The following MELK variants were observed in gnomAD, a reference collection of about 807,000 sequenced individuals.
MELK encodes the protein maternal embryonic leucine zipper kinase, also known as pEg3 kinase.
A neutral mutation model predicts 85.0 loss-of-function variants in MELK; 81 were observed. That is an observed-to-expected ratio of 0.95 (90% confidence interval 0.80 to 1.15). The LOEUF (loss-of-function observed/expected upper bound fraction) is 1.15. MELK is among the 50% of genes most tolerant of loss of function. The pLI is 0.00. For missense variants in MELK, 754 were observed against 777.5 expected (o/e 0.97, Z 0.36); for synonymous variants, 252 against 265.0 (o/e 0.95, Z 0.48).
At chr9:36,613,163 G>A (rs1292378228) in intron 8 of MELK, among the ~76,000 whole-genome samples, 1 of 152,170 alleles carries the variant, frequency 6.6e-6, no homozygotes, top group Non-Finnish European at 1.5e-5. Context: ...AGGTGTGCCT[G>A]CCTCAGGGCA....
At chr9:36,598,759 C>A (rs144670498) in intron 6 of MELK, among the ~76,000 whole-genome samples, 1 of 151,938 alleles carries the variant, frequency 6.6e-6, no homozygotes, top group Non-Finnish European at 1.5e-5. Flanking sequence ...GATGGAAAGA[C>A]GTGGATGCTT....
At chr9:36,593,691 CTGTTGT>C (rs926700496) in intron 4 of MELK, among the ~76,000 whole-genome samples, 1 of 151,962 alleles carries the variant, frequency 6.6e-6, no homozygotes, top group African/African-American at 2.4e-5. Flanking sequence ...GTTGTTGTTG[CTGTTGT>C]TGTTTGTTTT....
chr9:36,591,968 C>T (rs1823637652), intron 4 of MELK, among the ~76,000 whole-genome samples: 1 of 151,886 alleles, frequency 6.6e-6, no homozygotes, highest in South Asian at 2.1e-4. Context: ...AAACAAAATC[C>T]TCTCTTTCCC....
At position 36,589,598 on chromosome 9, in the gene MELK, A is replaced by T. The variant is rs1823321273; in HGVS notation, c.207A>T (p.Ile69=). ...EALKNLRHQH[I]CQLYHVLETA... ...TGAAGAACCTGAGACATCAGCATAT[A>T]TGTCAACTCTACCATGTGCTAGAGA... is the stretch of plus-strand genomic sequence containing the variant. The change falls in exon 4 of 18, where the codon ATA becomes ATT. Residue 69 remains isoleucine, a synonymous_variant. Transcript: ENST00000298048. The T allele has an allele frequency of 6.2e-7, 1 of 1,614,128 alleles. No individual in the cohort carries two copies. The highest frequency in any genetic ancestry group is 1.3e-5 in the African/African-American group (1 of 75,052).
chr9:36,649,844 A>G lies in MELK; in HGVS notation c.922-1902A>G, dbSNP rs190148017. On this transcript the variant is annotated intron_variant, in intron 11 of 17. Coordinates refer to ENST00000298048, the MANE Select transcript of MELK (RefSeq NM_014791.4). Reference sequence around the variant, plus strand: ...GCTCACGCCTGTAATTCTAAAACTGAGAGGCCAAGATGGGAGGATTGGTTG... The same window carrying G: ...GCTCACGCCTGTAATTCTAAAACTGGGAGGCCAAGATGGGAGGATTGGTTG... 6.3e-3 allele frequency among the ~76,000 whole-genome samples: 956 copies of G among 152,278 alleles called. 6 individuals carry two copies. Among genetic ancestry groups the G allele is most frequent in the Non-Finnish European group, 7.6e-3 (514 of 68,022 alleles).
At chr9:36,606,476 T>TAC (rs1301170032) in intron 7 of MELK, among the ~76,000 whole-genome samples, 19 of 141,692 alleles carry the variant, frequency 1.3e-4, no homozygotes, top group African/African-American at 3.2e-4. Flanking sequence ...TGTATATATA[T>TAC]ACATATGTAT....
intron 11 of MELK, among the ~76,000 whole-genome samples, chr9:36,647,907 A>T (rs1830368865): frequency 6.6e-6 from 1 of 152,074 alleles, no homozygotes; most frequent in Non-Finnish European, 1.5e-5. Flanking sequence ...ATTTATGCAA[A>T]TTTCAAAGCA....
intron 10 of MELK, among the ~76,000 whole-genome samples, chr9:36,640,188 A>C (rs932827178): frequency 3.3e-5 from 5 of 152,218 alleles, no homozygotes; most frequent in Non-Finnish European, 7.3e-5. Flanking sequence ...AATACCATAA[A>C]TTGAGTGGCT....
At chr9:36,619,073 C>T (rs1466607723) in intron 8 of MELK, among the ~76,000 whole-genome samples, 1 of 151,972 alleles carries the variant, frequency 6.6e-6, no homozygotes, top group African/African-American at 2.4e-5. Flanking sequence ...ATTCTCCTGC[C>T]TCAGCCTCCC....
At chr9:36,576,685 C>G (rs776432047) in intron 1 of MELK, among the ~76,000 whole-genome samples, 1 of 152,084 alleles carries the variant, frequency 6.6e-6, no homozygotes, top group African/African-American at 2.4e-5. Flanking sequence ...GTGTGCATCA[C>G]CACGCCCGGC....
At chr9:36,621,304 A>C (rs1231558045) in intron 8 of MELK, among the ~76,000 whole-genome samples, 7 of 134,280 alleles carry the variant, frequency 5.2e-5, no homozygotes, top group Non-Finnish European at 9.4e-5. Context: ...AAAAAAAAAA[A>C]AAAAAAAAAA....
intron 7 of MELK, among the ~76,000 whole-genome samples, chr9:36,603,137 G>T (rs924290156): frequency 6.6e-6 from 1 of 152,076 alleles, no homozygotes; most frequent in Non-Finnish European, 1.5e-5. Context: ...TTTCTTGTCC[G>T]TGTTAGTTCA....
At chr9:36,669,455 AT>A in intron 15 of MELK, 49 bp downstream of exon 15, 1 of 1,348,170 alleles carries the variant, frequency 7.4e-7, no homozygotes, top group South Asian at 1.4e-5. Context: ...ATGTAACCAG[AT>A]TTCCTTTTTC....
intron 13 of MELK, among the ~76,000 whole-genome samples, chr9:36,661,796 G>T (rs553467925): frequency 6.6e-6 from 1 of 152,104 alleles, no homozygotes; most frequent in East Asian, 1.9e-4. Flanking sequence ...AATTAGCTGG[G>T]CATGGTGGCG....
Position 36,583,713 on chromosome 9 carries a change from G to GT in MELK, c.144+2dup. On this transcript the variant is annotated splice_donor_variant, in intron 3 of 17. Transcript: ENST00000298048. LOFTEE classifies it high-confidence loss of function. ...AATCATGGATAAAAACACACTAGGGGTAAGTTTAGATTTATTTAAAAAATA... is the reference window on the plus strand; with the variant it reads ...AATCATGGATAAAAACACACTAGGGGTTAAGTTTAGATTTATTTAAAAAATA... 1 of 1,596,298 alleles carries GT rather than the reference G, an allele frequency of 6.3e-7. No homozygotes were observed.
intron 1 of MELK, 119 bp from the exon 2 acceptor site, chr9:36,581,525 T>C: frequency 3.6e-6 from 2 of 554,760 alleles, no homozygotes. Context: ...ATATGGCCAA[T>C]AATCAGTTTT....
rs746406905 is a variant in MELK at position 36,642,997 on chromosome 9, T to G, written c.835T>G (p.Phe279Val). ...TAAAGTGCATAATTTTTTTTTGTAG[T>G]TTATTCACCTCGATGATGATTGCGT... ...YPVEWQSKNP[F>V]IHLDDDCVTE... is the part of the protein sequence containing the mutation. Residue 279 changes from phenylalanine to valine, a missense_variant and splice_region_variant, in exon 11 of 18, where the codon TTT becomes GTT. Phe to Val is a conservative substitution (Grantham distance 50). Transcript: ENST00000298048. 2 of 1,600,976 alleles carry G rather than the reference T, an allele frequency of 1.2e-6. No individual in the cohort carries two copies. The highest frequency in any genetic ancestry group is 3.5e-5 in the Admixed American group (2 of 56,852).
chr9:36,646,732 T>G (rs1830248405), intron 11 of MELK, among the ~76,000 whole-genome samples: 1 of 152,168 alleles, frequency 6.6e-6, no homozygotes, highest in Non-Finnish European at 1.5e-5. Context: ...TAAACACCCA[T>G]GTGTGTAAAG....
At chr9:36,602,574 T>G (rs1347476605) in intron 7 of MELK, among the ~76,000 whole-genome samples, 1 of 148,798 alleles carries the variant, frequency 6.7e-6, no homozygotes, top group Non-Finnish European at 1.5e-5. Context: ...TTTTTTTTTT[T>G]TTGAGATGGA....
Sources: allele counts gnomAD v4.1 joint callset (sites outside exome capture counted in the v4.1 genomes callset), GRCh38; gene constraint gnomAD v4.1.1; transcripts MANE v1.5; gene names NCBI Gene and HGNC (gene_info 2026-07-23, HGNC 2026-07-21).